Variants in NEK11 observed in about 807,000 individuals in gnomAD.
NEK11 encodes the protein serine/threonine-protein kinase Nek11.
A neutral mutation model predicts 80.7 loss-of-function variants in NEK11; 72 were observed. The ratio of observed to expected loss-of-function variants is 0.89; its 90% confidence interval spans 0.74 to 1.08. The LOEUF is 1.08. NEK11 is among the 50% of genes least tolerant of loss of function. The pLI is 0.00. For synonymous variants in NEK11, 251 were observed against 260.7 expected (o/e 0.96, Z 0.36); for missense variants, 764 against 763.6 (o/e 1.00, Z -0.01).
intron 5 of NEK11, among the ~76,000 whole-genome samples, chr3:131,128,234 AC>A (rs2083714534): frequency 6.6e-6 from 1 of 152,184 alleles, no homozygotes. Flanking sequence ...GAGTTTGGGC[AC>A]ATGTATGACA....
At chr3:131,108,102 C>T (rs558451685) in intron 4 of NEK11, among the ~76,000 whole-genome samples, 18 of 152,098 alleles carry the variant, frequency 1.2e-4, no homozygotes, top group Non-Finnish European at 2.2e-4. Flanking sequence ...ATCAGGAAAC[C>T]GTACTTGAGC....
intron 14 of NEK11, among the ~76,000 whole-genome samples, chr3:131,179,627 T>C (rs2093236721): frequency 6.6e-6 from 1 of 152,232 alleles, no homozygotes. Flanking sequence ...ATACTCCTAA[T>C]AGTTCAACAT....
chr3:131,180,480 A>G (rs1428340053), intron 14 of NEK11, among the ~76,000 whole-genome samples: 1 of 152,204 alleles, frequency 6.6e-6, no homozygotes, highest in Non-Finnish European at 1.5e-5. Context: ...TTATTTCTTC[A>G]TATTCTATCA....
chr3:131,189,900 A>G (rs554812543), intron 14 of NEK11, among the ~76,000 whole-genome samples: 1 of 152,268 alleles, frequency 6.6e-6, no homozygotes, highest in East Asian at 1.9e-4. Flanking sequence ...TTTTACTACT[A>G]TTTTACTAAT....
At chr3:131,089,662 C>G (rs1468926079) in intron 4 of NEK11, among the ~76,000 whole-genome samples, 1 of 152,162 alleles carries the variant, frequency 6.6e-6, no homozygotes, top group Admixed American at 6.5e-5. Flanking sequence ...TGGTCTCGAA[C>G]TCCTGACCTC....
intron 17 of NEK11, among the ~76,000 whole-genome samples, chr3:131,291,400 A>AT (rs2096542270): frequency 6.6e-6 from 1 of 152,174 alleles, no homozygotes. Context: ...TCCATGTTCA[A>AT]TTCTCTCTGT....
chr3:131,178,460 C>G (rs184103921), intron 14 of NEK11, among the ~76,000 whole-genome samples: 1 of 152,242 alleles, frequency 6.6e-6, no homozygotes, highest in African/African-American at 2.4e-5. Flanking sequence ...ATTCTATAAG[C>G]ATTTTCTATT....
At chr3:131,342,243 C>T (rs1561641847) in intron 17 of NEK11, among the ~76,000 whole-genome samples, 1 of 152,206 alleles carries the variant, frequency 6.6e-6, no homozygotes, top group Non-Finnish European at 1.5e-5. Context: ...TGAAACACTA[C>T]ACATGGAGAA....
intron 4 of NEK11, among the ~76,000 whole-genome samples, chr3:131,098,502 T>C (rs916260129): frequency 4.5e-4 from 68 of 152,172 alleles, no homozygotes; most frequent in African/African-American, 1.6e-3. Flanking sequence ...TTAGTGATGA[T>C]GAGCATTTTT....
intron 3 of NEK11, among the ~76,000 whole-genome samples, chr3:131,049,729 C>T (rs1202114107): frequency 6.6e-6 from 1 of 152,166 alleles, no homozygotes; most frequent in Non-Finnish European, 1.5e-5. Context: ...TATATTGCCT[C>T]ATTTATAACA....
At chr3:131,310,385 T>G (rs1399177945) in intron 17 of NEK11, among the ~76,000 whole-genome samples, 1 of 152,318 alleles carries the variant, frequency 6.6e-6, no homozygotes, top group East Asian at 1.9e-4. Context: ...AGTGAGGAAC[T>G]GGGTTTTAAT....
chr3:131,290,188 C>T lies in NEK11; in HGVS notation c.1718+16614C>T, dbSNP rs543443912. The stretch of plus-strand genomic sequence containing the variant: ...GTTAATTACACTATTGGGCAGAGCC[C>T]TGTTACAGTTCTTGGTCATAGACTT... On this transcript the variant is annotated intron_variant, in intron 17 of 17. Transcript: ENST00000383366. Among the ~76,000 whole-genome samples, 3 of 152,332 alleles carry T rather than the reference C, an allele frequency of 2.0e-5. No homozygotes were observed. The East Asian group carries it at 5.8e-4, about 29-fold the overall frequency.
At chr3:131,261,720 T>C (rs2095924606) in intron 16 of NEK11, among the ~76,000 whole-genome samples, 1 of 152,144 alleles carries the variant, frequency 6.6e-6, no homozygotes, top group African/African-American at 2.4e-5. Context: ...TAGTATAGTG[T>C]CTTATGTATA....
intron 5 of NEK11, among the ~76,000 whole-genome samples, chr3:131,119,716 G>A (rs917658722): frequency 4.7e-4 from 71 of 152,176 alleles, no homozygotes; most frequent in Admixed American, 9.2e-4. Flanking sequence ...TCCATTTACC[G>A]TTATGTAATG....
intron 6 of NEK11, 49 bp downstream of exon 6, chr3:131,132,858 TA>T (rs2084782663): frequency 1.2e-6 from 1 of 804,092 alleles, no homozygotes; most frequent in Non-Finnish European, 2.0e-6. Flanking sequence ...CAGTATATTC[TA>T]GATATTATCA....
At chr3:131,282,518 C>T (rs1287622768) in intron 17 of NEK11, among the ~76,000 whole-genome samples, 7 of 152,168 alleles carry the variant, frequency 4.6e-5, no homozygotes. Context: ...GATGCCTGTT[C>T]TCCTCCCCAG....
At chr3:131,300,692 T>C (rs1336951961) in intron 17 of NEK11, among the ~76,000 whole-genome samples, 10 of 152,138 alleles carry the variant, frequency 6.6e-5, no homozygotes, top group Admixed American at 6.6e-5. Context: ...TGGTTGTAGG[T>C]GTGTGACTTC....
intron 7 of NEK11, among the ~76,000 whole-genome samples, chr3:131,142,918 A>T (rs2087273430): frequency 6.6e-6 from 1 of 152,170 alleles, no homozygotes; most frequent in Non-Finnish European, 1.5e-5. Context: ...AATTAGAAAG[A>T]GCTGGTATGA....
At chr3:131,302,472 T>C (rs1160742059) in intron 17 of NEK11, among the ~76,000 whole-genome samples, 2 of 151,908 alleles carry the variant, frequency 1.3e-5, no homozygotes, top group East Asian at 1.9e-4. Context: ...ATCTAACTTT[T>C]TGATGTGAAC....
Sources: gnomAD v4.1 joint callset for allele counts (sites outside exome capture counted in the v4.1 genomes callset) on GRCh38, gnomAD v4.1.1 for gene constraint, MANE v1.5 for transcripts, NCBI Gene and HGNC (gene_info 2026-07-23, HGNC 2026-07-21) for gene names.